SHLD3: variants seen among roughly 807,000 people sequenced by gnomAD.
SHLD3 encodes the protein REV7-interacting novel NHEJ regulator 1.
A neutral mutation model predicts 21.4 loss-of-function variants in SHLD3; 15 were observed. The ratio of observed to expected loss-of-function variants is 0.70; its 90% CI spans 0.47 to 1.08. The LOEUF (loss-of-function observed/expected upper bound fraction) is 1.08, where lower values mean the gene tolerates loss of function less well. SHLD3 is among the 50% of genes least tolerant of loss of function. The pLI is 0.00. For synonymous variants in SHLD3, 103 were observed against 97.2 expected (o/e 1.06, Z -0.35); for missense variants, 273 against 286.1 (o/e 0.95, Z 0.33).
Position 65,630,524 on chromosome 5 carries a change from T to C in SHLD3, c.*184T>C, listed in dbSNP as rs1755496806. The C allele has an allele frequency of 8.5e-6, 11 of 1,294,496 alleles. No homozygotes were observed. In the South Asian group the frequency reaches 2.2e-4, roughly 26 times the overall value. 80.2% of individuals were successfully genotyped at this position (1,294,496 alleles called of 1,614,324 possible). A position where few individuals can be genotyped will look rare whatever the true frequency, so the allele number is the denominator to read the frequency against. On this transcript the variant is annotated 3_prime_UTR_variant, in exon 2 of 2. Transcript: ENST00000510585. ...GCCTTCTTTTAAATGTGATAAATTA[T>C]TGTTTACACTGAATTTGAAGGTAAA... is the stretch of plus-strand genomic sequence containing the variant.
chr5:65,628,081 A>G (rs1755333379), intron 1 of SHLD3, among the ~76,000 whole-genome samples: 1 of 152,140 alleles, frequency 6.6e-6, no homozygotes, highest in Non-Finnish European at 1.5e-5. Flanking sequence ...TGGCTCTTAC[A>G]GCTTTGGGCC....
chr5:65,630,348 C>A lies in SHLD3; in HGVS notation c.*8C>A. On this transcript the variant is annotated 3_prime_UTR_variant, in exon 2 of 2. Coordinates refer to ENST00000510585, the MANE Select transcript of SHLD3 (RefSeq NM_001365341.2). ...GTTATTTTTAGTATGTAATGAATTC[C>A]ACTGATTGTCAAAAAGAATATTCTG... is the stretch of plus-strand genomic sequence containing the variant. 6.8e-7 allele frequency: 1 copy of A among 1,475,348 alleles called. No homozygotes were observed. The highest frequency in any genetic ancestry group is 9.0e-7 in the Non-Finnish European group (1 of 1,115,632). The allele number at this position is 1,475,348 out of a possible 1,614,324, so 91.4% of individuals were successfully genotyped here.
At position 65,630,493 on chromosome 5, in the gene SHLD3, T is replaced by C. The variant is rs1164708541; in HGVS notation, c.*153T>C. ...TCAAGAAATTGCTGAGTTCTGCTTA[T>C]TGGCAGCCTTCTTTTAAATGTGATA... On this transcript the variant is annotated 3_prime_UTR_variant, in exon 2 of 2. Transcript: ENST00000510585. The C allele has an allele frequency of 1.8e-5, 24 of 1,351,674 alleles. No homozygotes were observed. Among genetic ancestry groups the C allele is most frequent in the South Asian group, 2.1e-5 (1 of 47,594 alleles). The allele number at this position is 1,351,674 out of a possible 1,614,324, so 83.7% of individuals were successfully genotyped here.
chr5:65,627,497 G>C (rs537531231), intron 1 of SHLD3, among the ~76,000 whole-genome samples: 5 of 152,194 alleles, frequency 3.3e-5, no homozygotes, highest in African/African-American at 1.2e-4. Context: ...AGGCGTGATG[G>C]TGTGCACCAG....
intron 1 of SHLD3, among the ~76,000 whole-genome samples, chr5:65,627,305 C>A (rs929322099): frequency 6.6e-6 from 1 of 151,946 alleles, no homozygotes; most frequent in African/African-American, 2.4e-5. Context: ...ATGCTGAATG[C>A]CAAATGTATT....
At chr5:65,625,501 T>A (rs773537909) in intron 1 of SHLD3, 10 of 217,460 alleles carry the variant, frequency 4.6e-5, no homozygotes, top group Non-Finnish European at 9.2e-5. Context: ...GTAAAATTAG[T>A]ATTGCATGAC....
At chr5:65,625,178 G>A (rs1460166468) in intron 1 of SHLD3, 72 bp downstream of exon 1, 6 of 1,290,690 alleles carry the variant, frequency 4.6e-6, no homozygotes, top group Non-Finnish European at 6.8e-6. Flanking sequence ...CCTTTGCCAT[G>A]TAGGCCTCAT....
chr5:65,627,771 TATG>T (rs1253733743), intron 1 of SHLD3, among the ~76,000 whole-genome samples: 2 of 152,194 alleles, frequency 1.3e-5, no homozygotes, highest in Admixed American at 6.5e-5. Context: ...TGAAAGTATA[TATG>T]ATAACATTTA....
intron 1 of SHLD3, among the ~76,000 whole-genome samples, chr5:65,628,926 T>C (rs1755389113): frequency 2.0e-5 from 3 of 151,754 alleles, no homozygotes; most frequent in African/African-American, 7.3e-5. Context: ...CAAGCTATTC[T>C]CCTGCCTCAG....
chr5:65,628,458 A>G (rs1755350090), intron 1 of SHLD3, among the ~76,000 whole-genome samples: 1 of 151,800 alleles, frequency 6.6e-6, no homozygotes, highest in Non-Finnish European at 1.5e-5. Flanking sequence ...TGGAATCCAT[A>G]TAATTTTTTT....
At position 65,625,117 on chromosome 5, in the gene SHLD3, G is replaced by C. The variant is rs1203052925; in HGVS notation, c.-121+11G>C. 7.4e-6 allele frequency: 12 copies of C among 1,611,184 alleles called. No individual in the cohort carries two copies. The highest frequency in any genetic ancestry group is 1.0e-5 in the Non-Finnish European group (12 of 1,177,498). On this transcript the variant is annotated intron_variant, in intron 1 of 1. Transcript: ENST00000510585. The stretch of plus-strand genomic sequence containing the variant: ...TGCTGGCGCTAAAAGGTAAACTTTT[G>C]CGAACCTGATTCCCCCTTTTCTGTT...
chr5:65,630,105 A>G lies in SHLD3; in HGVS notation c.518A>G (p.His173Arg), dbSNP rs147828494. ...SLYRARWTIE[H>R]TICNSQTLED... ...TATAGAGCAAGATGGACAATAGAACACACTATTTGTAACAGCCAAACTCTG... is the reference window on the plus strand; with the variant it reads ...TATAGAGCAAGATGGACAATAGAACGCACTATTTGTAACAGCCAAACTCTG... Residue 173 changes from histidine (H) to arginine (R), a missense_variant, in exon 2 of 2, where the codon CAC becomes CGC. Coordinates refer to ENST00000510585, the MANE Select transcript of SHLD3 (RefSeq NM_001365341.2). 522 of 1,536,100 alleles carry G rather than the reference A, an allele frequency of 3.4e-4. 4 individuals are homozygous for G. The East Asian group carries it at 0.011, about 32-fold the overall frequency.
chr5:65,626,323 G>T (rs975227639), intron 1 of SHLD3: 11 of 152,186 alleles, frequency 7.2e-5, no homozygotes, highest in African/African-American at 2.4e-4. Context: ...AGTCCGTGTT[G>T]CCTCCTAAAG....
At position 65,630,184 on chromosome 5, in the gene SHLD3, T is replaced by C; in HGVS notation, c.597T>C (p.Ser199=). The C allele has an allele frequency of 6.5e-7, 1 of 1,536,046 alleles. No homozygotes were observed. Among genetic ancestry groups the C allele is most frequent in the Admixed American group, 2.0e-5 (1 of 51,008 alleles). Residue 199 remains serine, a synonymous_variant, in exon 2 of 2, where the codon TCT becomes TCC. Coordinates refer to ENST00000510585, the MANE Select transcript of SHLD3 (RefSeq NM_001365341.2). Reference sequence around the variant, plus strand: ...TTATTAGGCACAATGAACTTCCATCTTGTAATGCTACAATTCAGAGGCATT... The same window carrying C: ...TTATTAGGCACAATGAACTTCCATCCTGTAATGCTACAATTCAGAGGCATT... ...NQIIRHNELP[S]CNATIQRHLG...
chr5:65,628,347 G>C (rs1356862893), intron 1 of SHLD3, among the ~76,000 whole-genome samples: 1 of 152,092 alleles, frequency 6.6e-6, no homozygotes. Context: ...TCTTAGCCTG[G>C]TTAAACCATA....
At chr5:65,627,885 AATT>A (rs1162893022) in intron 1 of SHLD3, among the ~76,000 whole-genome samples, 9 of 152,138 alleles carry the variant, frequency 5.9e-5, no homozygotes, top group Admixed American at 5.9e-4. Flanking sequence ...AAAATAATGA[AATT>A]ATTTCTTCTA....
rs1265967729 is a variant in SHLD3 at position 65,629,479 on chromosome 5, C to T, written c.-109C>T. 9.8e-6 allele frequency: 14 copies of T among 1,426,458 alleles called. No individual in the cohort carries two copies. In the South Asian group the frequency reaches 1.9e-4, roughly 19 times the overall value. 88.4% of individuals were successfully genotyped at this position (1,426,458 alleles called of 1,614,324 possible). On this transcript the variant is annotated 5_prime_UTR_variant, in exon 2 of 2. Coordinates refer to ENST00000510585, the MANE Select transcript of SHLD3 (RefSeq NM_001365341.2). ...TACTTCTACTTTAGGTCCTGTTTCC[C>T]TCTGATTTGGCAAGAGAGACAATCT...
In SHLD3 at chr5:65,629,651, A is replaced by T; in HGVS notation, c.64A>T (p.Ile22Phe). 6.5e-7 allele frequency: 1 copy of T among 1,536,096 alleles called. No homozygotes were observed. The highest frequency in any genetic ancestry group is 2.4e-5 in the East Asian group (1 of 40,908). ...GAGTGATCCCACACAACTGCCAAAA[A>T]TTGCAGAAAAAGCAATTCAAGACTT... ...CESDPTQLPK[I>F]AEKAIQDFPT... The change falls in exon 2 of 2, where the codon ATT becomes TTT. Residue 22 changes from isoleucine to phenylalanine, a missense_variant. By Grantham distance (21) the Ile-to-Phe change is conservative (BLOSUM62 0). Coordinates refer to ENST00000510585, the MANE Select transcript of SHLD3 (RefSeq NM_001365341.2).
chr5:65,625,241 G>T, intron 1 of SHLD3, 135 bp downstream of exon 1: 2 of 753,990 alleles, frequency 2.7e-6, no homozygotes, highest in Non-Finnish European at 4.5e-6. Context: ...GCCGCCAAGC[G>T]GGAGGAAGCG....
Sources: allele counts gnomAD v4.1 joint callset (sites outside exome capture counted in the v4.1 genomes callset), GRCh38; gene constraint gnomAD v4.1.1; transcripts MANE v1.5; gene names NCBI Gene and HGNC (gene_info 2026-07-23, HGNC 2026-07-21).